EGFLAM: variants seen among roughly 807,000 people sequenced by gnomAD.
EGFLAM encodes EGF like, fibronectin type III and laminin G domains, also known as pikachurin.
Under a neutral mutation model 113.1 loss-of-function variants are expected in EGFLAM, and 79 were observed. The ratio of observed to expected loss-of-function variants is 0.70; its 90% confidence interval spans 0.58 to 0.84. EGFLAM has a LOEUF of 0.84. EGFLAM is among the 40% of genes least tolerant of loss of function. The probability of loss-of-function intolerance (pLI) is 0.00; values close to 1 mark genes in which losing one functional copy is unlikely to be tolerated. For missense variants in EGFLAM, 1,265 were observed against 1,291.6 expected (o/e 0.98, Z 0.32); for synonymous variants, 504 against 487.6 (o/e 1.03, Z -0.44).
chr5:38,341,945 T>A (rs1739348873), intron 3 of EGFLAM, among the ~76,000 whole-genome samples: 2 of 151,984 alleles, frequency 1.3e-5, no homozygotes, highest in African/African-American at 2.4e-5. Flanking sequence ...TCATGTTGCC[T>A]CTGTTTTTTC....
chr5:38,441,371 A>G (rs1579936203), intron 17 of EGFLAM, among the ~76,000 whole-genome samples: 2 of 152,220 alleles, frequency 1.3e-5, no homozygotes, highest in Non-Finnish European at 2.9e-5. Flanking sequence ...CACTACCCCA[A>G]TACCTAGGCC....
chr5:38,435,835 T>G (rs1017606362), intron 16 of EGFLAM, among the ~76,000 whole-genome samples: 1 of 128,156 alleles, frequency 7.8e-6, no homozygotes, highest in Non-Finnish European at 1.6e-5. Flanking sequence ...TTTTTTTTTT[T>G]GAGATTGAGT....
chr5:38,453,495 G>A (rs993745844), intron 19 of EGFLAM, among the ~76,000 whole-genome samples: 5 of 152,132 alleles, frequency 3.3e-5, no homozygotes, highest in Non-Finnish European at 7.4e-5. Context: ...AAATAGCAGA[G>A]CATGCTAAGT....
At chr5:38,309,783 C>T (rs766191352) in intron 1 of EGFLAM, among the ~76,000 whole-genome samples, 4 of 152,212 alleles carry the variant, frequency 2.6e-5, no homozygotes, top group Admixed American at 6.5e-5. Flanking sequence ...GTCCCTCTCA[C>T]TCCGGTACAA....
At chr5:38,386,742 T>C (rs531604651) in intron 6 of EGFLAM, among the ~76,000 whole-genome samples, 2 of 152,318 alleles carry the variant, frequency 1.3e-5, no homozygotes, top group African/African-American at 4.8e-5. Flanking sequence ...CTTGACCTTG[T>C]GATCTGCCCG....
intron 19 of EGFLAM, among the ~76,000 whole-genome samples, chr5:38,452,391 G>A (rs2112268490): frequency 6.6e-6 from 1 of 152,280 alleles, no homozygotes; most frequent in African/African-American, 2.4e-5. Context: ...GCACACTTGA[G>A]TAGCTTCAAT....
chr5:38,389,185 G>C (rs935457683), intron 6 of EGFLAM, among the ~76,000 whole-genome samples: 1 of 152,132 alleles, frequency 6.6e-6, no homozygotes, highest in Non-Finnish European at 1.5e-5. Flanking sequence ...GATCGAACTT[G>C]ACAGAAGGAA....
At chr5:38,320,577 T>C (rs2111890985) in intron 1 of EGFLAM, among the ~76,000 whole-genome samples, 1 of 152,310 alleles carries the variant, frequency 6.6e-6, no homozygotes, top group African/African-American at 2.4e-5. Context: ...GTGTGTGTTG[T>C]GCGTATGCCT....
At chr5:38,356,050 G>A (rs1375140412) in intron 5 of EGFLAM, among the ~76,000 whole-genome samples, 1 of 152,208 alleles carries the variant, frequency 6.6e-6, no homozygotes, top group Admixed American at 6.5e-5. Context: ...ATGAGCCACT[G>A]CGCCTGGCTT....
At chr5:38,307,054 C>T (rs1265393630) in intron 1 of EGFLAM, among the ~76,000 whole-genome samples, 1 of 152,158 alleles carries the variant, frequency 6.6e-6, no homozygotes, top group Non-Finnish European at 1.5e-5. Flanking sequence ...GGAAGTGGAT[C>T]CTCCAGTCAT....
intron 11 of EGFLAM, among the ~76,000 whole-genome samples, chr5:38,416,493 G>A (rs149302111): frequency 1.5e-3 from 221 of 152,288 alleles, no homozygotes; most frequent in Non-Finnish European, 1.7e-3. Context: ...CCATTTCTCT[G>A]TACAGGCAGG....
chr5:38,370,698 G>T (rs1302257023), intron 6 of EGFLAM, among the ~76,000 whole-genome samples: 2 of 152,200 alleles, frequency 1.3e-5, no homozygotes, highest in African/African-American at 4.8e-5. Context: ...TCCTTGGGAA[G>T]TTTGAGGTCA....
intron 1 of EGFLAM, among the ~76,000 whole-genome samples, chr5:38,308,110 C>T (rs1758775447): frequency 6.6e-6 from 1 of 152,198 alleles, no homozygotes; most frequent in Admixed American, 6.5e-5. Context: ...AGACTTCTTC[C>T]TCTACGTGCT....
rs1354200133 is a variant in EGFLAM, at chr5:38,391,938, G to A, written c.713-14188G>A. On this transcript the variant is annotated intron_variant, in intron 6 of 21. Transcript: ENST00000322350. ...ATTACAGGCGCCCACCACCACACTC[G>A]GCTAATTTTTTTTTCTTTTTTAACT... 9.0e-5 allele frequency among the ~76,000 whole-genome samples: 13 copies of A among 143,764 alleles called. No individual in the cohort carries two copies. In the South Asian group the frequency reaches 1.3e-3, roughly 15 times the overall value. The allele number at this position is 143,764 out of a possible 152,430, so 94.3% of individuals were successfully genotyped here. A position where few individuals can be genotyped will look rare whatever the true frequency, so the allele number is the denominator to read the frequency against.
At chr5:38,407,335 C>G (rs1436581884) in intron 8 of EGFLAM, among the ~76,000 whole-genome samples, 189 bp downstream of exon 8, 1 of 152,222 alleles carries the variant, frequency 6.6e-6, no homozygotes, top group Admixed American at 6.5e-5. Flanking sequence ...TCTAAGTAGA[C>G]AGCAGCCCTA....
intron 1 of EGFLAM, 86 bp downstream of exon 1, chr5:38,258,937 G>A: frequency 2.9e-6 from 4 of 1,396,114 alleles, no homozygotes; most frequent in Non-Finnish European, 3.9e-6. Context: ...GCAGCGCACC[G>A]CCTCCCTCTC....
At chr5:38,343,406 CAAAAAAA>C (rs61453202) in intron 3 of EGFLAM, among the ~76,000 whole-genome samples, 4 of 130,946 alleles carry the variant, frequency 3.1e-5, no homozygotes, top group Non-Finnish European at 3.2e-5. Flanking sequence ...AACTCCATCT[CAAAAAAA>C]AAAAAAAAAA....
intron 1 of EGFLAM, among the ~76,000 whole-genome samples, chr5:38,334,732 TAGTA>T (rs1739141112): frequency 6.6e-6 from 1 of 152,236 alleles, no homozygotes; most frequent in South Asian, 2.1e-4. Flanking sequence ...AAAGTGGTAG[TAGTA>T]AGAGCTGGTG....
intron 1 of EGFLAM, among the ~76,000 whole-genome samples, chr5:38,294,180 G>A (rs536558444): frequency 9.2e-5 from 14 of 152,164 alleles, no homozygotes; most frequent in African/African-American, 3.4e-4. Flanking sequence ...GTTAAACTCC[G>A]GTCTATTCCA....
Sources: allele counts gnomAD v4.1 joint callset (sites outside exome capture counted in the v4.1 genomes callset), GRCh38; gene constraint gnomAD v4.1.1; transcripts MANE v1.5; gene names NCBI Gene and HGNC (gene_info 2026-07-23, HGNC 2026-07-21).